KIRREL1: variants seen among roughly 807,000 people sequenced by gnomAD.
KIRREL1 encodes kin of IRRE-like protein 1.
In KIRREL1, 25 loss-of-function variants were observed where a neutral mutation model predicts 83.3. The observed-to-expected ratio is 0.30, with a 90% CI of 0.22 to 0.42. The LOEUF (loss-of-function observed/expected upper bound fraction) is 0.42. Among genes scored for constraint, KIRREL1 ranks in the 10% least tolerant of loss-of-function variants. The pLI, the probability that KIRREL1 is intolerant of heterozygous loss-of-function variation, is 1.00. For missense variants in KIRREL1, 812 were observed against 1,032.3 expected, an observed-to-expected ratio of 0.79 and a Z score of 2.92; for synonymous variants, 388 against 410.4, an observed-to-expected ratio of 0.95 and a Z score of 0.66.
At position 158,089,634 on chromosome 1, in the gene KIRREL1, T is replaced by G. The variant is rs1662130945; in HGVS notation, c.1171+6T>G. 2 of 1,613,048 alleles carry G rather than the reference T, an allele frequency of 1.2e-6. No individual in the cohort carries two copies. Among genetic ancestry groups the G allele is most frequent in the Non-Finnish European group, 8.5e-7 (1 of 1,179,206 alleles). ...GGTGCCGCTCTATGTGAACGGTGAG[T>G]GAGTGGCCTGAGAGGCAGCCGGGCC... On this transcript the variant is annotated splice_donor_region_variant and intron_variant, in intron 9 of 14. Transcript: ENST00000359209.
In KIRREL1 at chr1:158,099,615, C is replaced by G. The variant is rs571673871; in HGVS notation, c.*4495C>G. 1 of 152,290 alleles carries G rather than the reference C, an allele frequency of 6.6e-6. No homozygotes were observed. Among genetic ancestry groups the G allele is most frequent in the East Asian group, 1.9e-4 (1 of 5,188 alleles). The allele number at this position is 152,290 out of a possible 1,614,324, so 9.4% of individuals were successfully genotyped here. ...AAGTCACAGGCCATACTGGGCAGTTCTGGTACAAACCTGCCCTTATTAATA... is the reference window on the plus strand; with the variant it reads ...AAGTCACAGGCCATACTGGGCAGTTGTGGTACAAACCTGCCCTTATTAATA... On this transcript the variant is annotated 3_prime_UTR_variant, in exon 15 of 15. Coordinates refer to ENST00000359209, the MANE Select transcript of KIRREL1 (RefSeq NM_018240.7).
rs1305352686 is a variant in KIRREL1, at chr1:158,095,241, A to T, written c.*121A>T. 3 of 746,498 alleles carry T rather than the reference A, an allele frequency of 4.0e-6. No homozygotes were observed. In the African/African-American group the frequency reaches 5.3e-5, roughly 13 times the overall value. 46.2% of individuals were successfully genotyped at this position (746,498 alleles called of 1,614,324 possible). The stretch of plus-strand genomic sequence containing the variant: ...TCGGACCAGCCTTCTTCCTCCCACC[A>T]TGGCAGGTGGGGAGCAGGTCTCCCA... On this transcript the variant is annotated 3_prime_UTR_variant, in exon 15 of 15. Transcript: ENST00000359209.
intron 1 of KIRREL1, among the ~76,000 whole-genome samples, chr1:158,022,518 A>G (rs1302234033): frequency 6.6e-6 from 1 of 152,146 alleles, no homozygotes; most frequent in Non-Finnish European, 1.5e-5. Flanking sequence ...CAGCTAAAAA[A>G]CACCCATATT....
At chr1:158,091,244 G>A in intron 10 of KIRREL1, 114 bp from the exon 11 acceptor site, 2 of 920,084 alleles carry the variant, frequency 2.2e-6, no homozygotes, top group Middle Eastern at 3.3e-4. Flanking sequence ...GGGCTTGTGG[G>A]GCACACATGG....
intron 1 of KIRREL1, among the ~76,000 whole-genome samples, chr1:158,037,754 T>C (rs1392721111): frequency 6.6e-6 from 1 of 152,184 alleles, no homozygotes; most frequent in African/African-American, 2.4e-5. Flanking sequence ...GCACCCAGGC[T>C]CTTGCAGCCT....
chr1:158,094,455 A>T lies in KIRREL1; in HGVS notation c.1797+65A>T. The T allele has an allele frequency of 6.6e-7, 1 of 1,512,540 alleles. No individual in the cohort carries two copies. Among genetic ancestry groups the T allele is most frequent in the Non-Finnish European group, 9.2e-7 (1 of 1,092,848 alleles). 93.7% of individuals were successfully genotyped at this position (1,512,540 alleles called of 1,614,324 possible). A position where few individuals can be genotyped will look rare whatever the true frequency, so the allele number is the denominator to read the frequency against. ...GGCCAGTGGGTTTCTGAGGTCCTGT[A>T]GCGGGGAGGTGAGGTGAGGACAGAC... On this transcript the variant is annotated intron_variant, in intron 14 of 14. Transcript: ENST00000359209. The surrounding 1 kb of genome is among the most constrained non-coding windows in gnomAD (Gnocchi z 4.6).
At position 158,095,819 on chromosome 1, in the gene KIRREL1, TCTC is replaced by T. The variant is rs997450906; in HGVS notation, c.*704_*706del. The T allele has an allele frequency of 5.9e-5, 9 of 152,288 alleles. No individual in the cohort carries two copies. Among genetic ancestry groups the T allele is most frequent in the Non-Finnish European group, 8.8e-5 (6 of 68,172 alleles). The allele number at this position is 152,288 out of a possible 1,614,324, so 9.4% of individuals were successfully genotyped here. A position where few individuals can be genotyped will look rare whatever the true frequency, so the allele number is the denominator to read the frequency against. On this transcript the variant is annotated 3_prime_UTR_variant, in exon 15 of 15. Coordinates refer to ENST00000359209, the MANE Select transcript of KIRREL1 (RefSeq NM_018240.7). ...CCCCGGCAGCACGGCCCGCTTTCCT[TCTC>T]CTCCATGCTGGGCCAGCCAGATAAG...
intron 1 of KIRREL1, among the ~76,000 whole-genome samples, chr1:158,051,360 G>C (rs1660905777): frequency 6.6e-6 from 1 of 152,170 alleles, no homozygotes; most frequent in African/African-American, 2.4e-5. Context: ...AATGACAGAT[G>C]ATCAGTTATT....
chr1:158,025,332 A>C (rs1050893664), intron 1 of KIRREL1, among the ~76,000 whole-genome samples: 17 of 152,080 alleles, frequency 1.1e-4, no homozygotes, highest in African/African-American at 3.9e-4. Context: ...GAAAGAGAAA[A>C]CTCGGGGAAA....
At chr1:158,021,497 G>A (rs1382734654) in intron 1 of KIRREL1, among the ~76,000 whole-genome samples, 2 of 152,060 alleles carry the variant, frequency 1.3e-5, no homozygotes, top group African/African-American at 4.8e-5. Flanking sequence ...AACCTCTCTG[G>A]GCTTTGGTAA....
At chr1:158,016,229 T>G (rs7514059) in intron 1 of KIRREL1, among the ~76,000 whole-genome samples, 143,503 of 151,814 alleles carry the variant, frequency 0.95, 68,045 homozygotes, top group East Asian at 1. Context: ...TTGTGAACCC[T>G]GTAGGCAGAG....
rs773321629 is a variant in KIRREL1 at position 158,096,968 on chromosome 1, G to A, written c.*1848G>A. 1 of 456,786 alleles carries A rather than the reference G, an allele frequency of 2.2e-6. No homozygotes were observed. The highest frequency in any genetic ancestry group is 1.5e-5 in the South Asian group (1 of 64,560). 28.3% of individuals were successfully genotyped at this position (456,786 alleles called of 1,614,324 possible). On this transcript the variant is annotated 3_prime_UTR_variant, in exon 15 of 15. Coordinates refer to ENST00000359209, the MANE Select transcript of KIRREL1 (RefSeq NM_018240.7). ...ACCACCCTTATGGATGGGTCTGGGG[G>A]GCGACATTCCTGGCCAACCCCTTGT...
At chr1:158,086,123 G>C (rs1273242255) in intron 4 of KIRREL1, among the ~76,000 whole-genome samples, 1 of 152,180 alleles carries the variant, frequency 6.6e-6, no homozygotes, top group Non-Finnish European at 1.5e-5. Context: ...AGTTGTAACA[G>C]ACTTATCACT....
intron 1 of KIRREL1, among the ~76,000 whole-genome samples, chr1:158,028,853 G>C (rs1266657933): frequency 6.6e-6 from 1 of 152,132 alleles, no homozygotes; most frequent in Non-Finnish European, 1.5e-5. Context: ...ACCAGATAAA[G>C]TCAGGATGCA....
At chr1:158,014,670 A>G in intron 1 of KIRREL1, among the ~76,000 whole-genome samples, 1 of 59,576 alleles carries the variant, frequency 1.7e-5, no homozygotes, top group Non-Finnish European at 2.9e-5. Context: ...TAAGAGAAAT[A>G]TAGTCTTTAT....
rs1662329622 is a variant in KIRREL1, at chr1:158,095,363, C to T, written c.*243C>T. Reference sequence around the variant, plus strand: ...GGGAGGATGTGTCTCTTCTGACCTGCACTCTTGCCTGACCCTAGAATGGGG... The same window carrying T: ...GGGAGGATGTGTCTCTTCTGACCTGTACTCTTGCCTGACCCTAGAATGGGG... On this transcript the variant is annotated 3_prime_UTR_variant, in exon 15 of 15. Transcript: ENST00000359209. The T allele has an allele frequency of 4.3e-6, 2 of 460,836 alleles. No individual in the cohort carries two copies. The highest frequency in any genetic ancestry group is 3.8e-6 in the Non-Finnish European group (1 of 260,772). The allele number at this position is 460,836 out of a possible 1,614,324, so 28.5% of individuals were successfully genotyped here.
chr1:158,067,784 G>A (rs60521149), intron 1 of KIRREL1, among the ~76,000 whole-genome samples: 36 of 152,320 alleles, frequency 2.4e-4, no homozygotes, highest in African/African-American at 7.0e-4. Flanking sequence ...TGCCTCTTGA[G>A]GTGACTAATC....
chr1:158,073,333 C>T (rs1177776062), intron 1 of KIRREL1, among the ~76,000 whole-genome samples: 1 of 152,172 alleles, frequency 6.6e-6, no homozygotes, highest in East Asian at 1.9e-4. Context: ...AGTCAGATAC[C>T]ACCTTCTTTG....
intron 1 of KIRREL1, among the ~76,000 whole-genome samples, chr1:158,021,954 G>A (rs1437393338): frequency 6.6e-6 from 1 of 151,900 alleles, no homozygotes. Context: ...CCTTAAAGAG[G>A]TAAATCTGGA....
Sources: gnomAD v4.1 joint callset for allele counts (sites outside exome capture counted in the v4.1 genomes callset) on GRCh38, gnomAD v4.1.1 for gene constraint, Gnocchi (gnomAD v3.1) non-coding constraint, MANE v1.5 for transcripts, NCBI Gene and HGNC (gene_info 2026-07-23, HGNC 2026-07-21) for gene names.